Variants in GPC5 observed in about 807,000 individuals in gnomAD.
GPC5 encodes the protein glypican-5.
A neutral mutation model predicts 53.9 loss-of-function variants in GPC5; 47 were observed. The ratio of observed to expected loss-of-function variants is 0.87; its 90% CI spans 0.69 to 1.11. The LOEUF is 1.11. Ranked by LOEUF, GPC5 falls within the 50% of genes most tolerant of loss-of-function variation. The probability of loss-of-function intolerance (pLI) is 0.00; values close to 1 mark genes in which losing one functional copy is unlikely to be tolerated. For synonymous variants in GPC5, 286 were observed against 263.3 expected (o/e 1.09, Z -0.84); for missense variants, 748 against 713.1 (o/e 1.05, Z -0.56).
At chr13:91,754,534 G>A (rs1426639910) in intron 4 of GPC5, among the ~76,000 whole-genome samples, 1 of 151,992 alleles carries the variant, frequency 6.6e-6, no homozygotes, top group Admixed American at 6.6e-5. Context: ...CAATTTAAAA[G>A]TCTCAACATT....
chr13:92,592,897 G>T (rs1246746440), intron 7 of GPC5, among the ~76,000 whole-genome samples: 1 of 150,888 alleles, frequency 6.6e-6, no homozygotes, highest in Non-Finnish European at 1.5e-5. Flanking sequence ...GCCCTCATGC[G>T]TGCCCCTAGC....
chr13:92,319,410 T>TAAAAAAAA (rs67635557), intron 7 of GPC5, among the ~76,000 whole-genome samples: 1 of 108,768 alleles, frequency 9.2e-6, no homozygotes, highest in African/African-American at 3.1e-5. Flanking sequence ...TCTCTGAAAC[T>TAAAAAAAA]AAAAAAAAAA....
chr13:92,608,112 C>T (rs780864314), intron 7 of GPC5, among the ~76,000 whole-genome samples: 48 of 152,080 alleles, frequency 3.2e-4, no homozygotes, highest in Non-Finnish European at 4.9e-4. Flanking sequence ...ATGTGTTCAT[C>T]GACCATTTAT....
At chr13:92,368,013 T>G (rs555518007) in intron 7 of GPC5, among the ~76,000 whole-genome samples, 1 of 152,130 alleles carries the variant, frequency 6.6e-6, no homozygotes, top group East Asian at 1.9e-4. Context: ...GAGGCAGAGT[T>G]TCACTCTGTC....
chr13:92,122,074 C>T lies in GPC5; in HGVS notation c.1402-22756C>T, dbSNP rs144530355. 6.1e-3 allele frequency among the ~76,000 whole-genome samples: 930 copies of T among 152,276 alleles called. 4 individuals carry two copies. Among genetic ancestry groups the T allele is most frequent in the Middle Eastern group, 0.02 (6 of 294 alleles). On this transcript the variant is annotated intron_variant, in intron 6 of 7. Coordinates refer to ENST00000377067, the MANE Select transcript of GPC5 (RefSeq NM_004466.6). ...CCAGTGACAGCAGCAATGTTCCAAA[C>T]ATCACATGGTATACCGAAATATAGC...
chr13:92,823,081 T>G (rs1877727283), intron 7 of GPC5, among the ~76,000 whole-genome samples: 1 of 152,044 alleles, frequency 6.6e-6, no homozygotes, highest in African/African-American at 2.4e-5. Flanking sequence ...TGGACAAAAA[T>G]GACCTCCAGG....
intron 7 of GPC5, among the ~76,000 whole-genome samples, chr13:92,392,185 C>T (rs991671290): frequency 2.0e-5 from 3 of 152,118 alleles, no homozygotes; most frequent in African/African-American, 7.2e-5. Context: ...CAGAAAATAA[C>T]TTACCACTTT....
intron 5 of GPC5, among the ~76,000 whole-genome samples, chr13:91,902,430 T>C (rs1218987417): frequency 6.6e-6 from 1 of 152,090 alleles, no homozygotes; most frequent in Non-Finnish European, 1.5e-5. Flanking sequence ...TCCTTGTTAA[T>C]GAAAAACAAG....
chr13:91,837,042 T>G (rs7983665), intron 5 of GPC5, among the ~76,000 whole-genome samples: 69,915 of 148,822 alleles, frequency 0.47, 17,253 homozygotes, highest in East Asian at 0.86. Context: ...AAATTTAATA[T>G]TTTAATATAT....
At chr13:91,530,028 T>A (rs1233809239) in intron 2 of GPC5, among the ~76,000 whole-genome samples, 1 of 152,170 alleles carries the variant, frequency 6.6e-6, no homozygotes, top group Non-Finnish European at 1.5e-5. Flanking sequence ...ATAGCCAGTG[T>A]CTCACAGCAG....
At chr13:92,218,245 C>T (rs2042425130) in intron 7 of GPC5, among the ~76,000 whole-genome samples, 1 of 152,046 alleles carries the variant, frequency 6.6e-6, no homozygotes, top group African/African-American at 2.4e-5. Flanking sequence ...CAGAAATTGA[C>T]ATGTCTGGAG....
At chr13:91,986,259 G>A (rs1189393615) in intron 6 of GPC5, among the ~76,000 whole-genome samples, 1 of 151,708 alleles carries the variant, frequency 6.6e-6, no homozygotes, top group East Asian at 1.9e-4. Flanking sequence ...TAGAGACGGG[G>A]TTTCATCATG....
intron 2 of GPC5, among the ~76,000 whole-genome samples, chr13:91,650,660 G>A (rs16946397): frequency 0.063 from 9,442 of 150,658 alleles, 986 homozygotes; most frequent in African/African-American, 0.22. Context: ...ATTTTAACCT[G>A]TCCCAGTTAT....
At chr13:91,793,185 C>T (rs2037995304) in intron 5 of GPC5, among the ~76,000 whole-genome samples, 1 of 151,980 alleles carries the variant, frequency 6.6e-6, no homozygotes, top group Non-Finnish European at 1.5e-5. Flanking sequence ...GAAGGGGAGG[C>T]AAACACATTC....
At chr13:92,231,779 A>G (rs938405427) in intron 7 of GPC5, among the ~76,000 whole-genome samples, 11 of 152,140 alleles carry the variant, frequency 7.2e-5, no homozygotes, top group African/African-American at 2.7e-4. Context: ...CAGCCGGGCC[A>G]ACATGGTGAA....
At chr13:92,484,474 G>T (rs1016490958) in intron 7 of GPC5, 7 of 152,068 alleles carry the variant, frequency 4.6e-5, no homozygotes, top group Non-Finnish European at 1.0e-4. Flanking sequence ...ATTTGGTTAT[G>T]CATACTATAT....
At chr13:92,554,144 C>T (rs151258969) in intron 7 of GPC5, among the ~76,000 whole-genome samples, 25 of 152,008 alleles carry the variant, frequency 1.6e-4, no homozygotes, top group African/African-American at 5.8e-4. Context: ...ACACAGTATG[C>T]TCACATTTGA....
chr13:92,233,604 T>G (rs1450936113), intron 7 of GPC5, among the ~76,000 whole-genome samples: 1 of 152,198 alleles, frequency 6.6e-6, no homozygotes, highest in African/African-American at 2.4e-5. Context: ...TATGCATTAT[T>G]CTTTCATTAC....
chr13:91,601,886 C>T (rs1041319466), intron 2 of GPC5, among the ~76,000 whole-genome samples: 3 of 152,206 alleles, frequency 2.0e-5, no homozygotes, highest in African/African-American at 7.2e-5. Flanking sequence ...CCATGCTGGT[C>T]TGTGGAAAAA....
Sources: allele counts gnomAD v4.1 joint callset (sites outside exome capture counted in the v4.1 genomes callset), GRCh38; gene constraint gnomAD v4.1.1; transcripts MANE v1.5; gene names NCBI Gene and HGNC (gene_info 2026-07-23, HGNC 2026-07-21).